SPATS2L: variants seen among roughly 807,000 people sequenced by gnomAD.
SPATS2L encodes the protein SPATS2-like protein.
Under a neutral mutation model 59.6 loss-of-function variants are expected in SPATS2L, and 30 were observed. The ratio of observed to expected loss-of-function variants is 0.50; its 90% confidence interval spans 0.38 to 0.68. SPATS2L has a LOEUF of 0.68. Ranked by LOEUF, SPATS2L falls within the 30% of genes least tolerant of loss-of-function variation. The probability of loss-of-function intolerance (pLI) is 0.00; values close to 1 mark genes in which losing one functional copy is unlikely to be tolerated. For missense variants in SPATS2L, 615 were observed against 700.0 expected, an observed-to-expected ratio of 0.88 and a Z score of 1.37; for synonymous variants, 252 against 263.5, an observed-to-expected ratio of 0.96 and a Z score of 0.42.
chr2:200,337,022 C>T (rs531248699), intron 2 of SPATS2L, among the ~76,000 whole-genome samples: 10 of 152,250 alleles, frequency 6.6e-5, no homozygotes, highest in African/African-American at 2.2e-4. Context: ...TTTACTTGGC[C>T]TTGGTTTTCC....
intron 1 of SPATS2L, among the ~76,000 whole-genome samples, chr2:200,314,771 T>A (rs573336371): frequency 1.3e-5 from 2 of 152,278 alleles, no homozygotes; most frequent in South Asian, 4.1e-4. Flanking sequence ...TGTTGGGCAC[T>A]GGAAATACAG....
At chr2:200,324,633 T>A (rs1312451749) in intron 1 of SPATS2L, among the ~76,000 whole-genome samples, 2 of 152,220 alleles carry the variant, frequency 1.3e-5, no homozygotes, top group East Asian at 3.8e-4. Context: ...AGAAGCAAGA[T>A]GTGTCTCCAG....
rs10177991 is a variant in SPATS2L at position 200,477,661 on chromosome 2, G to T, written c.1307G>T (p.Arg436Ile). 1.3e-6 allele frequency: 2 copies of T among 1,555,846 alleles called. No individual in the cohort carries two copies. Among genetic ancestry groups the T allele is most frequent in the Non-Finnish European group, 1.7e-6 (2 of 1,151,098 alleles). The stretch of plus-strand genomic sequence containing the variant: ...AATGGATCTTCTAACCAAAGACGGA[G>T]ATTTAATCCACAGTATCATAACAAC... ...KQNGSSNQRRRFNPQYHNNRL... is the reference protein window; with the variant it reads ...KQNGSSNQRRIFNPQYHNNRL... The change falls in exon 13 of 13, where the codon AGA becomes ATA. Residue 436 changes from arginine to isoleucine, a missense_variant. Around this residue, in one of 3 missense-constraint regions of SPATS2L, gnomAD observed 284 missense variants for 280.1 expected, o/e 1.01. Transcript: ENST00000409140.
intron 2 of SPATS2L, among the ~76,000 whole-genome samples, chr2:200,331,761 T>C (rs1246187466): frequency 6.6e-6 from 1 of 152,222 alleles, no homozygotes; most frequent in Non-Finnish European, 1.5e-5. Context: ...TAGGTTGATA[T>C]GTGGAAAGTC....
intron 3 of SPATS2L, among the ~76,000 whole-genome samples, chr2:200,408,811 G>A (rs2082775415): frequency 6.6e-6 from 1 of 152,270 alleles, no homozygotes; most frequent in Admixed American, 6.5e-5. Context: ...GTCAGATAGG[G>A]AAGCCCCAGA....
chr2:200,477,997 T>G lies in SPATS2L; in HGVS notation c.1643T>G (p.Val548Gly), dbSNP rs762154623. 8 of 1,585,278 alleles carry G rather than the reference T, an allele frequency of 5.0e-6. No homozygotes were observed. The highest frequency in any genetic ancestry group is 6.9e-6 in the Non-Finnish European group (8 of 1,164,896). Reference sequence around the variant, plus strand: ...ATAGAAGTTTCCACAGATGCAGCAGTTCTCTCAGTCCCGGCTGTGACGTTG... The same window carrying G: ...ATAGAAGTTTCCACAGATGCAGCAGGTCTCTCAGTCCCGGCTGTGACGTTG... ...TRIEVSTDAAVLSVPAVTLVA is the reference protein window; with the variant it reads ...TRIEVSTDAAGLSVPAVTLVA The change falls in exon 13 of 13, where the codon GTT (valine) becomes GGT (glycine). Residue 548 changes from valine (V) to glycine (G), a missense_variant. Transcript: ENST00000409140.
chr2:200,364,623 G>C lies in SPATS2L; in HGVS notation c.-22-24600G>C, dbSNP rs1226361344. On this transcript the variant is annotated intron_variant, in intron 2 of 12. Transcript: ENST00000409140. ...AGAAGATGTTTTTATTTCACTTGTT[G>C]CCAAGTTTTGGGAAATTTATTCTAG... Among the ~76,000 whole-genome samples the C allele has an allele frequency of 2.6e-5, 4 of 152,248 alleles. No homozygotes were observed. The East Asian group carries it at 7.7e-4, about 29-fold the overall frequency.
rs776901767 is a variant in SPATS2L, at chr2:200,419,336, C to A, written c.285C>A (p.Pro95=). Residue 95 remains proline (P), a synonymous_variant, in exon 6 of 13, where the codon CCC becomes CCA. Transcript: ENST00000409140. ...AGGTGGAGAGGCCTGAGGCAGGGCC[C>A]CTGCAGCCGCAGCCACCACAGATTC... ...KDKVERPEAG[P]LQPQPPQIQN... 6 of 1,610,322 alleles carry A rather than the reference C, an allele frequency of 3.7e-6. No individual in the cohort carries two copies. The Middle Eastern group carries it at 5.0e-4, about 133-fold the overall frequency.
intron 2 of SPATS2L, among the ~76,000 whole-genome samples, chr2:200,354,229 C>G (rs1340455805): frequency 6.6e-6 from 1 of 152,192 alleles, no homozygotes; most frequent in African/African-American, 2.4e-5. Context: ...GTTCCTCGCT[C>G]TCATACAATG....
intron 8 of SPATS2L, among the ~76,000 whole-genome samples, chr2:200,450,829 C>CT (rs1416953453): frequency 3.3e-5 from 5 of 152,078 alleles, no homozygotes; most frequent in Admixed American, 6.6e-5. Flanking sequence ...TGGAATGGAG[C>CT]TGGGGGGAGG....
At chr2:200,407,726 A>G (rs1410844626) in intron 3 of SPATS2L, among the ~76,000 whole-genome samples, 1 of 152,210 alleles carries the variant, frequency 6.6e-6, no homozygotes, top group Non-Finnish European at 1.5e-5. Context: ...TTGAAATTTA[A>G]AGAACATATA....
chr2:200,352,371 ATG>A (rs2080770470), intron 2 of SPATS2L, among the ~76,000 whole-genome samples: 1 of 134,272 alleles, frequency 7.4e-6, no homozygotes, highest in Admixed American at 7.3e-5. Context: ...ATATATATAT[ATG>A]GTAAACAAGC....
intron 3 of SPATS2L, among the ~76,000 whole-genome samples, chr2:200,394,726 A>G (rs1038222287): frequency 6.6e-6 from 1 of 152,052 alleles, no homozygotes; most frequent in Non-Finnish European, 1.5e-5. Context: ...TCATTTTAGT[A>G]CTCTTTTTGC....
intron 9 of SPATS2L, among the ~76,000 whole-genome samples, chr2:200,466,271 C>T (rs2086595683): frequency 6.6e-6 from 1 of 152,180 alleles, no homozygotes; most frequent in Admixed American, 6.6e-5. Flanking sequence ...GAATGTGAGT[C>T]CGACATGCAT....
intron 1 of SPATS2L, among the ~76,000 whole-genome samples, chr2:200,326,384 G>C (rs958777891): frequency 6.6e-6 from 1 of 152,130 alleles, no homozygotes; most frequent in East Asian, 1.9e-4. Context: ...AGAAAGCAGA[G>C]AAAATTATTA....
At chr2:200,312,548 C>T (rs1176401485) in intron 1 of SPATS2L, among the ~76,000 whole-genome samples, 2 of 152,184 alleles carry the variant, frequency 1.3e-5, no homozygotes, top group African/African-American at 2.4e-5. Context: ...ATATAAGCAT[C>T]GCCTATACCA....
At chr2:200,430,436 GGA>G (rs1491219149) in intron 6 of SPATS2L, among the ~76,000 whole-genome samples, 2 of 149,416 alleles carry the variant, frequency 1.3e-5, no homozygotes, top group African/African-American at 4.9e-5. Context: ...TAAGGTTTGA[GGA>G]AAAAAAAAAG....
intron 1 of SPATS2L, among the ~76,000 whole-genome samples, chr2:200,320,242 T>C (rs1294542982): frequency 6.6e-6 from 1 of 152,208 alleles, no homozygotes; most frequent in East Asian, 1.9e-4. Flanking sequence ...AACTCTATGA[T>C]AAAGAATAAG....
At chr2:200,352,533 T>A (rs1339752295) in intron 2 of SPATS2L, among the ~76,000 whole-genome samples, 1 of 151,952 alleles carries the variant, frequency 6.6e-6, no homozygotes, top group Non-Finnish European at 1.5e-5. Context: ...TTTCCTTTTT[T>A]AACCCTTAGC....
Sources: gnomAD v4.1 joint callset for allele counts (sites outside exome capture counted in the v4.1 genomes callset) on GRCh38, gnomAD v4.1.1 for gene constraint, gnomAD v4.1.1 regional missense constraint, MANE v1.5 for transcripts, NCBI Gene and HGNC (gene_info 2026-07-23, HGNC 2026-07-21) for gene names.